The following ADAMTS17 variants were observed in gnomAD, a reference collection of about 807,000 sequenced individuals.
ADAMTS17 encodes ADAM metallopeptidase with thrombospondin type 1 motif 17.
Under a neutral mutation model 141.5 loss-of-function variants are expected in ADAMTS17, and 113 were observed. The observed-to-expected ratio is 0.80, with a 90% CI of 0.69 to 0.93. ADAMTS17 has a LOEUF of 0.93. Among genes scored for constraint, ADAMTS17 ranks in the 40% least tolerant of loss-of-function variants. The pLI, the probability that ADAMTS17 is intolerant of heterozygous loss-of-function variation, is 0.00. For synonymous variants in ADAMTS17, 768 were observed against 630.6 expected, an observed-to-expected ratio of 1.22 and a Z score of -3.27; for missense variants, 1,659 against 1,517.9, an observed-to-expected ratio of 1.09 and a Z score of -1.54.
At chr15:100,106,701 G>A (rs2036432842) in intron 14 of ADAMTS17, among the ~76,000 whole-genome samples, 1 of 152,218 alleles carries the variant, frequency 6.6e-6, no homozygotes, top group South Asian at 2.1e-4. Context: ...GCTCTAAAGG[G>A]TGTAAGAACT....
At chr15:100,150,178 T>C (rs991502364) in intron 10 of ADAMTS17, among the ~76,000 whole-genome samples, 6 of 152,210 alleles carry the variant, frequency 3.9e-5, no homozygotes, top group Admixed American at 3.9e-4. Context: ...TCTCACTTGA[T>C]ATGCATTTGG....
chr15:100,108,850 G>T, intron 14 of ADAMTS17, 139 bp downstream of exon 14: 1 of 1,435,388 alleles, frequency 7.0e-7, no homozygotes, highest in Non-Finnish European at 9.6e-7. Context: ...GGCGGCAGGA[G>T]GCGGCATCAC....
chr15:100,028,645 T>A (rs553588144), intron 18 of ADAMTS17, among the ~76,000 whole-genome samples: 1 of 152,344 alleles, frequency 6.6e-6, no homozygotes, highest in South Asian at 2.1e-4. Flanking sequence ...ACTCTCTCAG[T>A]CCCCTGTCGT....
chr15:100,003,625 G>A (rs913329932), intron 18 of ADAMTS17, among the ~76,000 whole-genome samples: 5 of 152,112 alleles, frequency 3.3e-5, no homozygotes, highest in African/African-American at 1.2e-4. Context: ...GCCAAAAGGT[G>A]GAAACGATGC....
At chr15:100,038,771 T>C (rs1356010397) in intron 18 of ADAMTS17, among the ~76,000 whole-genome samples, 2 of 152,248 alleles carry the variant, frequency 1.3e-5, no homozygotes, top group Non-Finnish European at 1.5e-5. Context: ...TACAGACAGT[T>C]TTACTTCTTC....
At chr15:100,055,550 A>G (rs1411202643) in intron 15 of ADAMTS17, among the ~76,000 whole-genome samples, 1 of 152,120 alleles carries the variant, frequency 6.6e-6, no homozygotes, top group Non-Finnish European at 1.5e-5. Flanking sequence ...AGTGGCTTCC[A>G]GTGGGGTCTC....
intron 12 of ADAMTS17, among the ~76,000 whole-genome samples, chr15:100,127,456 C>T (rs2037801091): frequency 6.6e-6 from 1 of 152,220 alleles, no homozygotes; most frequent in Admixed American, 6.5e-5. Flanking sequence ...AAGAAGGAAG[C>T]ACTGTGCTGA....
intron 8 of ADAMTS17, among the ~76,000 whole-genome samples, chr15:100,157,520 G>A (rs112384098): frequency 1.3e-5 from 2 of 152,158 alleles, no homozygotes; most frequent in African/African-American, 4.8e-5. Context: ...CCATATTTTC[G>A]CGTGGTCTGG....
rs537555058 is a variant in ADAMTS17 at position 100,061,826 on chromosome 15, C to A, written c.2138-7772G>T. 6.6e-5 allele frequency among the ~76,000 whole-genome samples: 10 copies of A among 152,324 alleles called. No homozygotes were observed. In the East Asian group the frequency reaches 1.7e-3, roughly 26 times the overall value. Reference sequence around the variant, plus strand: ...CTGAGTACCTCTTGGAATACCCAGACTGCGAATTTTGAATTAGGATGAAAG... The same window carrying A: ...CTGAGTACCTCTTGGAATACCCAGAATGCGAATTTTGAATTAGGATGAAAG... On this transcript the variant is annotated intron_variant, in intron 15 of 21. Coordinates refer to ENST00000268070, the MANE Select transcript of ADAMTS17 (RefSeq NM_139057.4).
intron 17 of ADAMTS17, among the ~76,000 whole-genome samples, chr15:100,050,274 G>C (rs1363265480): frequency 6.6e-6 from 1 of 152,232 alleles, no homozygotes; most frequent in African/African-American, 2.4e-5. Context: ...CCTGACCCCA[G>C]GAGAGCCTGA....
intron 8 of ADAMTS17, among the ~76,000 whole-genome samples, chr15:100,163,331 AGT>A (rs2039815677): frequency 6.6e-6 from 1 of 152,066 alleles, no homozygotes; most frequent in African/African-American, 2.4e-5. Context: ...ACACCCTGAG[AGT>A]GTGTGAGATA....
intron 18 of ADAMTS17, among the ~76,000 whole-genome samples, chr15:100,033,994 T>C (rs76597850): frequency 2.6e-3 from 389 of 152,308 alleles, no homozygotes; most frequent in Non-Finnish European, 3.2e-3. Context: ...CATCAGCTTA[T>C]TGGATGGTCT....
chr15:100,294,038 T>C (rs530813117), intron 3 of ADAMTS17, among the ~76,000 whole-genome samples: 27 of 152,126 alleles, frequency 1.8e-4, no homozygotes, highest in Non-Finnish European at 2.9e-4. Context: ...TCCTTGTCTA[T>C]AAGGCAAGAT....
At chr15:100,055,765 C>G (rs2032513426) in intron 15 of ADAMTS17, among the ~76,000 whole-genome samples, 1 of 152,228 alleles carries the variant, frequency 6.6e-6, no homozygotes, top group African/African-American at 2.4e-5. Context: ...CCACCATCTG[C>G]AAACTGCCAT....
intron 12 of ADAMTS17, among the ~76,000 whole-genome samples, chr15:100,127,855 T>TA (rs1218250413): frequency 6.6e-6 from 1 of 152,072 alleles, no homozygotes; most frequent in Non-Finnish European, 1.5e-5. Context: ...GTGCTGGAAT[T>TA]ACAGGCATCA....
chr15:100,341,191 G>C lies in ADAMTS17; in HGVS notation c.298C>G (p.Leu100Val), dbSNP rs953844290. 4 of 1,463,414 alleles carry C rather than the reference G, an allele frequency of 2.7e-6. No homozygotes were observed. In the African/African-American group the frequency reaches 5.9e-5, roughly 22 times the overall value. The allele number at this position is 1,463,414 out of a possible 1,614,324, so 90.7% of individuals were successfully genotyped here. A position where few individuals can be genotyped will look rare whatever the true frequency, so the allele number is the denominator to read the frequency against. Residue 100 changes from leucine (L) to valine (V), a missense_variant, in exon 2 of 22, where the codon CTG becomes GTG. Coordinates refer to ENST00000268070, the MANE Select transcript of ADAMTS17 (RefSeq NM_139057.4). ...TCGAAGCCTCGGGACAGGAAGCGCA[G>C]GTCGCGGCGCAGCTGAAGGTACAGG... ...RDLYLQLRRD[L>V]RFLSRGFEVE... is the part of the protein sequence containing the mutation.
At chr15:100,067,930 A>G (rs1421901374) in intron 15 of ADAMTS17, among the ~76,000 whole-genome samples, 1 of 152,146 alleles carries the variant, frequency 6.6e-6, no homozygotes, top group African/African-American at 2.4e-5. Flanking sequence ...CAGTGCACTG[A>G]GCGTGAGCTG....
intron 15 of ADAMTS17, among the ~76,000 whole-genome samples, chr15:100,086,406 A>T (rs1424499515): frequency 6.6e-6 from 1 of 151,648 alleles, no homozygotes; most frequent in African/African-American, 2.4e-5. Context: ...GGGAGACTTT[A>T]ACACCCCACT....
At chr15:100,067,789 A>T (rs2033649505) in intron 15 of ADAMTS17, among the ~76,000 whole-genome samples, 1 of 152,246 alleles carries the variant, frequency 6.6e-6, no homozygotes, top group Non-Finnish European at 1.5e-5. Flanking sequence ...AAGATGGCCG[A>T]ATAGGAACAG....
Sources: allele counts gnomAD v4.1 joint callset (sites outside exome capture counted in the v4.1 genomes callset), GRCh38; gene constraint gnomAD v4.1.1; transcripts MANE v1.5; gene names NCBI Gene and HGNC (gene_info 2026-07-23, HGNC 2026-07-21).